PPM1H: variants seen among roughly 807,000 people sequenced by gnomAD.
PPM1H encodes the protein protein phosphatase 1H.
In PPM1H, 27 loss-of-function variants were observed where a neutral mutation model predicts 54.9. That is an observed-to-expected ratio of 0.49 (90% CI 0.36 to 0.68). The LOEUF is 0.68. Ranked by LOEUF, PPM1H falls within the 30% of genes least tolerant of loss-of-function variation. The probability of loss-of-function intolerance (pLI) is 0.00; values close to 1 mark genes in which losing one functional copy is unlikely to be tolerated. For synonymous variants in PPM1H, 305 were observed against 270.8 expected (o/e 1.13, Z -1.24); for missense variants, 596 against 667.8 (o/e 0.89, Z 1.19).
chr12:62,778,962 A>AAAGGAAGAAAGGGAAGGAAAGGAAGG (rs2076626340), intron 4 of PPM1H, among the ~76,000 whole-genome samples: 1 of 152,046 alleles, frequency 6.6e-6, no homozygotes, highest in African/African-American at 2.4e-5. Context: ...AAAAGAAAAG[A>AAAGGAAGAAAGGGAAGGAAAGGAAGG]AAGGAAGAAA....
rs138309472 is a variant in PPM1H at position 62,735,202 on chromosome 12, A to AT, written c.954+2299dup. 8.8e-3 allele frequency among the ~76,000 whole-genome samples: 1,329 copies of AT among 150,234 alleles called. 18 individuals carry two copies. Among genetic ancestry groups the AT allele is most frequent in the African/African-American group, 0.03 (1,237 of 40,958 alleles). ...GAAGTCAATATGAATATTGTTTTTA[A>AT]TTTTTTTTTTCTTTTTTTTAAAGAG... is the stretch of plus-strand genomic sequence containing the variant. On this transcript the variant is annotated intron_variant, in intron 5 of 9. Transcript: ENST00000228705.
intron 1 of PPM1H, among the ~76,000 whole-genome samples, chr12:62,856,667 T>C (rs1162059629): frequency 6.6e-6 from 1 of 152,190 alleles, no homozygotes; most frequent in African/African-American, 2.4e-5. Context: ...TCATTATGTA[T>C]CCCATAAATA....
chr12:62,895,048 T>G (rs1210876747), intron 1 of PPM1H, among the ~76,000 whole-genome samples: 1 of 152,216 alleles, frequency 6.6e-6, no homozygotes, highest in East Asian at 1.9e-4. Flanking sequence ...GAAAGGAAGG[T>G]CAGCACAGGA....
chr12:62,755,537 T>C lies in PPM1H; in HGVS notation c.870-17951A>G, dbSNP rs2120590485. The C allele has an allele frequency of 1.1e-5, 7 of 659,854 alleles. 1 individual carries two copies. The highest frequency in any genetic ancestry group is 4.0e-4 in the Middle Eastern group (1 of 2,492). 40.9% of individuals were successfully genotyped at this position (659,854 alleles called of 1,614,324 possible). On this transcript the variant is annotated intron_variant, in intron 4 of 9. Transcript: ENST00000228705. The stretch of plus-strand genomic sequence containing the variant: ...GAATCCACCGGTGTCTTCACCACCA[T>C]GGAGAAGGCTGGGACTCACTTGCAG...
At chr12:62,794,392 C>T (rs1185204552) in intron 3 of PPM1H, among the ~76,000 whole-genome samples, 1 of 152,116 alleles carries the variant, frequency 6.6e-6, no homozygotes, top group Admixed American at 6.5e-5. Context: ...GTCACAATGT[C>T]ACCATGTATT....
chr12:62,927,505 C>CA (rs2121183393), intron 1 of PPM1H, among the ~76,000 whole-genome samples: 1 of 151,344 alleles, frequency 6.6e-6, no homozygotes, highest in African/African-American at 2.4e-5. Flanking sequence ...ACTAAAAATA[C>CA]AAAAAAATTA....
intron 1 of PPM1H, among the ~76,000 whole-genome samples, chr12:62,869,777 C>G (rs1169445373): frequency 1.3e-5 from 2 of 152,206 alleles, no homozygotes; most frequent in African/African-American, 4.8e-5. Context: ...AATGCTTCCT[C>G]TGAGTCTACT....
chr12:62,908,553 A>G (rs1871368905), intron 1 of PPM1H, among the ~76,000 whole-genome samples: 1 of 152,248 alleles, frequency 6.6e-6, no homozygotes, highest in African/African-American at 2.4e-5. Flanking sequence ...CAAGTGGAGA[A>G]AACTAACCAA....
intron 9 of PPM1H, among the ~76,000 whole-genome samples, chr12:62,653,103 C>T (rs924148974): frequency 1.3e-5 from 2 of 152,168 alleles, no homozygotes; most frequent in Non-Finnish European, 2.9e-5. Flanking sequence ...TGTCTTTTAT[C>T]ATTCCTTTAT....
At chr12:62,649,911 G>A (rs2075806436) in intron 9 of PPM1H, among the ~76,000 whole-genome samples, 1 of 152,190 alleles carries the variant, frequency 6.6e-6, no homozygotes, top group Admixed American at 6.5e-5. Flanking sequence ...AGCCAGACTG[G>A]TAAATCATCA....
At chr12:62,863,837 T>A (rs1250618758) in intron 1 of PPM1H, among the ~76,000 whole-genome samples, 1 of 152,190 alleles carries the variant, frequency 6.6e-6, no homozygotes, top group Non-Finnish European at 1.5e-5. Context: ...ACTGCCCAAT[T>A]TGTCAGCAGA....
intron 8 of PPM1H, among the ~76,000 whole-genome samples, chr12:62,687,424 C>G (rs889748352): frequency 6.6e-6 from 1 of 152,140 alleles, no homozygotes; most frequent in Non-Finnish European, 1.5e-5. Flanking sequence ...GCCACCACAT[C>G]AAACTAATTT....
At chr12:62,655,333 T>C (rs1050019016) in intron 9 of PPM1H, among the ~76,000 whole-genome samples, 1 of 152,198 alleles carries the variant, frequency 6.6e-6, no homozygotes, top group African/African-American at 2.4e-5. Flanking sequence ...AATCCTTTGC[T>C]AGGCTGCTTT....
chr12:62,866,279 C>T (rs1869773429), intron 1 of PPM1H, among the ~76,000 whole-genome samples: 1 of 150,156 alleles, frequency 6.7e-6, no homozygotes, highest in South Asian at 2.1e-4. Flanking sequence ...GTTTGGAGCA[C>T]TGACTTTGGT....
At chr12:62,906,975 G>A (rs1371539095) in intron 1 of PPM1H, among the ~76,000 whole-genome samples, 1 of 152,244 alleles carries the variant, frequency 6.6e-6, no homozygotes, top group Non-Finnish European at 1.5e-5. Context: ...CAGATGTGGA[G>A]AGGGGTGAAA....
intron 1 of PPM1H, among the ~76,000 whole-genome samples, chr12:62,924,968 A>C (rs1474311400): frequency 6.6e-6 from 1 of 152,066 alleles, no homozygotes; most frequent in Non-Finnish European, 1.5e-5. Flanking sequence ...GCTTGAACCC[A>C]GGAGGCAGAG....
At chr12:62,788,035 A>G (rs139697315) in intron 4 of PPM1H, among the ~76,000 whole-genome samples, 191 bp downstream of exon 4, 1 of 152,362 alleles carries the variant, frequency 6.6e-6, no homozygotes, top group African/African-American at 2.4e-5. Context: ...AGACGTGTAC[A>G]TGAAATGCTA....
At chr12:62,747,822 C>T (rs2076421408) in intron 4 of PPM1H, among the ~76,000 whole-genome samples, 1 of 152,218 alleles carries the variant, frequency 6.6e-6, no homozygotes, top group Non-Finnish European at 1.5e-5. Context: ...CAGTAGAAAG[C>T]TTTGCCCATG....
chr12:62,891,759 A>G (rs1870805076), intron 1 of PPM1H, among the ~76,000 whole-genome samples: 1 of 152,212 alleles, frequency 6.6e-6, no homozygotes, highest in African/African-American at 2.4e-5. Flanking sequence ...AAAGAATTAC[A>G]AGTGGATCAC....
Sources: gnomAD v4.1 joint callset for allele counts (sites outside exome capture counted in the v4.1 genomes callset) on GRCh38, gnomAD v4.1.1 for gene constraint, MANE v1.5 for transcripts, NCBI Gene and HGNC (gene_info 2026-07-23, HGNC 2026-07-21) for gene names.